The following HPCAL1 variants were observed in gnomAD, a reference collection of about 807,000 sequenced individuals.
HPCAL1 encodes the protein hippocalcin-like protein 1.
HPCAL1 carries 8 observed loss-of-function variants against 17.1 expected under a neutral mutation model. That is an observed-to-expected ratio of 0.47 (90% CI 0.27 to 0.84). The LOEUF is 0.84. Among genes scored for constraint, HPCAL1 ranks in the 40% least tolerant of loss-of-function variants. HPCAL1 has a pLI of 0.13. For missense variants in HPCAL1, 165 were observed against 271.1 expected, an observed-to-expected ratio of 0.61 and a Z score of 2.75; for synonymous variants, 112 against 111.4, an observed-to-expected ratio of 1.01 and a Z score of -0.03.
intron 1 of HPCAL1, among the ~76,000 whole-genome samples, chr2:10,348,940 G>T (rs1267415678): frequency 6.6e-6 from 1 of 152,172 alleles, no homozygotes; most frequent in Non-Finnish European, 1.5e-5. Context: ...TCAGGAAAGG[G>T]CCTGTCTGAA....
At chr2:10,364,586 C>CTT (rs747134630) in intron 1 of HPCAL1, among the ~76,000 whole-genome samples, 3 of 143,762 alleles carry the variant, frequency 2.1e-5, no homozygotes, top group Non-Finnish European at 1.5e-5. Context: ...CTCCCGCCTC[C>CTT]TTTTTTTTTT....
At chr2:10,418,090 G>C (rs1007750303) in intron 2 of HPCAL1, among the ~76,000 whole-genome samples, 16 of 151,576 alleles carry the variant, frequency 1.1e-4, no homozygotes, top group Non-Finnish European at 7.4e-5. Context: ...ATATAGAGAG[G>C]ATAAGTAAAA....
rs1666944415 is a variant in HPCAL1 at position 10,367,896 on chromosome 2, T to G, written c.-110-28939T>G. 6.6e-6 allele frequency among the ~76,000 whole-genome samples: 1 copy of G among 152,112 alleles called. No homozygotes were observed. Among genetic ancestry groups the G allele is most frequent in the Non-Finnish European group, 1.5e-5 (1 of 68,002 alleles). ...GCCCTGGGACTGTGTGCCTGTGTGC[T>G]TGCATGTGTGTATGTGCGTGTGTGC... is the stretch of plus-strand genomic sequence containing the variant. On this transcript the variant is annotated intron_variant, in intron 1 of 4. Coordinates refer to ENST00000307845, the MANE Select transcript of HPCAL1 (RefSeq NM_002149.4). This position sits in a 1 kb window ranked among gnomAD's most constrained non-coding sequence, Gnocchi z 4.4.
Position 10,419,678 on chromosome 2 carries a change from C to G in HPCAL1, c.-24-56C>G, listed in dbSNP as rs1192960700. 1 of 1,523,396 alleles carries G rather than the reference C, an allele frequency of 6.6e-7. No individual in the cohort carries two copies. The allele number at this position is 1,523,396 out of a possible 1,614,324, so 94.4% of individuals were successfully genotyped here. A position where few individuals can be genotyped will look rare whatever the true frequency, so the allele number is the denominator to read the frequency against. On this transcript the variant is annotated intron_variant, in intron 2 of 4. Coordinates refer to ENST00000307845, the MANE Select transcript of HPCAL1 (RefSeq NM_002149.4). The surrounding 1 kb of genome is among the most constrained non-coding windows in gnomAD (Gnocchi z 5.0). ...CTTATTTGGTCTCTCCGGCACATGGCTCAGCCCTGCTCCGTGGCCGTGGGT... is the reference window on the plus strand; with the variant it reads ...CTTATTTGGTCTCTCCGGCACATGGGTCAGCCCTGCTCCGTGGCCGTGGGT...
chr2:10,348,282 C>G (rs1176701606), intron 1 of HPCAL1, among the ~76,000 whole-genome samples: 2 of 152,044 alleles, frequency 1.3e-5, no homozygotes, highest in Non-Finnish European at 2.9e-5. Context: ...AACCTCATCT[C>G]TACTAAAAAT....
At chr2:10,360,861 G>A (rs1666480868) in intron 1 of HPCAL1, among the ~76,000 whole-genome samples, 2 of 151,446 alleles carry the variant, frequency 1.3e-5, no homozygotes, top group Non-Finnish European at 2.9e-5. Context: ...CCTCCTATCT[G>A]GCCTGCTTGC....
At chr2:10,306,563 G>A (rs1662632504) in intron 1 of HPCAL1, among the ~76,000 whole-genome samples, 1 of 152,224 alleles carries the variant, frequency 6.6e-6, no homozygotes, top group Non-Finnish European at 1.5e-5. Flanking sequence ...TATGGAGACA[G>A]CAGCATGGGC....
At chr2:10,374,162 C>CCGAGTCT (rs1667400244) in intron 1 of HPCAL1, among the ~76,000 whole-genome samples, 1 of 152,066 alleles carries the variant, frequency 6.6e-6, no homozygotes, top group Non-Finnish European at 1.5e-5. Flanking sequence ...CCTAAGTCCC[C>CCGAGTCT]CGAGTCTCGA....
At position 10,397,958 on chromosome 2, in the gene HPCAL1, C is replaced by A. The variant is rs552343842; in HGVS notation, c.-25+1038C>A. On this transcript the variant is annotated intron_variant, in intron 2 of 4. Coordinates refer to ENST00000307845, the MANE Select transcript of HPCAL1 (RefSeq NM_002149.4). Reference sequence around the variant, plus strand: ...AAAAACACCCTCTTCAGGGTCAATGCGAGATCAGACCTGGAGTGAAGTGTC... The same window carrying A: ...AAAAACACCCTCTTCAGGGTCAATGAGAGATCAGACCTGGAGTGAAGTGTC... 2.4e-4 allele frequency among the ~76,000 whole-genome samples: 36 copies of A among 152,346 alleles called. 1 individual carries two copies. In the South Asian group the frequency reaches 5.4e-3, roughly 23 times the overall value.
chr2:10,401,132 C>T (rs1372353377), intron 2 of HPCAL1, among the ~76,000 whole-genome samples: 2 of 152,198 alleles, frequency 1.3e-5, no homozygotes, highest in Non-Finnish European at 2.9e-5. Context: ...TGCCTGCTGG[C>T]CCCGGGTCTC....
At chr2:10,312,999 C>A (rs1663087505) in intron 1 of HPCAL1, among the ~76,000 whole-genome samples, 1 of 152,154 alleles carries the variant, frequency 6.6e-6, no homozygotes, top group South Asian at 2.1e-4. Context: ...TGGCACATTC[C>A]TGGTGAGTTA....
At chr2:10,372,216 T>C (rs1041113975) in intron 1 of HPCAL1, among the ~76,000 whole-genome samples, 11 of 152,338 alleles carry the variant, frequency 7.2e-5, no homozygotes, top group Middle Eastern at 3.4e-3. Flanking sequence ...CTCCAGGTCC[T>C]GAGCCATGGC....
intron 2 of HPCAL1, among the ~76,000 whole-genome samples, chr2:10,408,191 G>A (rs1158808505): frequency 6.6e-6 from 1 of 152,212 alleles, no homozygotes; most frequent in Non-Finnish European, 1.5e-5. Context: ...TTCATTTAGG[G>A]CATTTCAGCC....
At chr2:10,308,393 A>G (rs1007435516) in intron 1 of HPCAL1, among the ~76,000 whole-genome samples, 4 of 152,274 alleles carry the variant, frequency 2.6e-5, no homozygotes, top group Non-Finnish European at 5.9e-5. Context: ...ATCACCCCAG[A>G]AAGATCCCTC....
At chr2:10,407,316 C>T (rs2125603668) in intron 2 of HPCAL1, among the ~76,000 whole-genome samples, 1 of 152,302 alleles carries the variant, frequency 6.6e-6, no homozygotes, top group South Asian at 2.1e-4. Context: ...ACCATCCTAA[C>T]CCCTGACCTT....
At chr2:10,383,423 C>T (rs963133074) in intron 1 of HPCAL1, among the ~76,000 whole-genome samples, 3 of 151,962 alleles carry the variant, frequency 2.0e-5, no homozygotes, top group Non-Finnish European at 2.9e-5. Flanking sequence ...AGTGCAGTGG[C>T]ACGATCTCGG....
Position 10,308,063 on chromosome 2 carries a change from C to T in HPCAL1, c.-111+4886C>T, listed in dbSNP as rs1398028605. ...ATGTGGGGTACCTATCAAATAAGAC[C>T]AGGGAGCGTGAAGTGCTATGGAGGG... On this transcript the variant is annotated intron_variant, in intron 1 of 4. Transcript: ENST00000307845. Among the ~76,000 whole-genome samples, 2 of 151,998 alleles carry T rather than the reference C, an allele frequency of 1.3e-5. 1 individual carries two copies. The highest frequency in any genetic ancestry group is 4.8e-5 in the African/African-American group (2 of 41,376).
In HPCAL1 at chr2:10,371,371, A is replaced by G. The variant is rs954191172; in HGVS notation, c.-110-25464A>G. Among the ~76,000 whole-genome samples the G allele has an allele frequency of 2.2e-5, 3 of 137,918 alleles. No homozygotes were observed. In the Admixed American group the frequency reaches 2.4e-4, roughly 11 times the overall value. 90.5% of individuals were successfully genotyped at this position (137,918 alleles called of 152,430 possible). On this transcript the variant is annotated intron_variant, in intron 1 of 4. Transcript: ENST00000307845. ...TCTCCTCCAAGAAGAGCTTTTCCTA[A>G]ATCATTCGCCCTGTTCACCTGGGCT...
chr2:10,424,748 G>A (rs3771121), intron 4 of HPCAL1: 76,681 of 417,156 alleles, frequency 0.18, 7,322 homozygotes, highest in African/African-American at 0.2. Flanking sequence ...CAGGAAGGTG[G>A]GGCTGCAGCC....
Sources: allele counts gnomAD v4.1 joint callset (sites outside exome capture counted in the v4.1 genomes callset), GRCh38; gene constraint gnomAD v4.1.1; non-coding constraint Gnocchi (gnomAD v3.1); transcripts MANE v1.5; gene names NCBI Gene and HGNC (gene_info 2026-07-23, HGNC 2026-07-21).